N4BP1: variants seen among roughly 807,000 people sequenced by gnomAD.
The protein encoded by N4BP1 is NEDD4-binding protein 1.
In N4BP1, 21 loss-of-function variants were observed where a neutral mutation model predicts 70.9. The ratio of observed to expected loss-of-function variants is 0.30; its 90% CI spans 0.21 to 0.43. The LOEUF (loss-of-function observed/expected upper bound fraction) is 0.43. Among genes scored for constraint, N4BP1 ranks in the 20% least tolerant of loss-of-function variants. The probability of loss-of-function intolerance (pLI) is 1.00; values close to 1 mark genes in which losing one functional copy is unlikely to be tolerated. For synonymous variants in N4BP1, 387 were observed against 394.6 expected (o/e 0.98, Z 0.23); for missense variants, 936 against 1,069.4 (o/e 0.88, Z 1.74).
chr16:48,541,030 A>C lies in N4BP1; in HGVS notation c.*1874T>G, dbSNP rs1228067130. 6.6e-6 allele frequency: 1 copy of C among 152,208 alleles called. No homozygotes were observed. Among genetic ancestry groups the C allele is most frequent in the Non-Finnish European group, 1.5e-5 (1 of 68,062 alleles). 9.4% of individuals were successfully genotyped at this position (152,208 alleles called of 1,614,324 possible). On this transcript the variant is annotated 3_prime_UTR_variant, in exon 7 of 7. Transcript: ENST00000262384. ...GAACACGAAGACTTACAGAACTCAA[A>C]CATCAAAGGTCAAGTAGCTTCTAGC...
rs79102905 is a variant in N4BP1, at chr16:48,539,515, C to T, written c.*3389G>A. On this transcript the variant is annotated 3_prime_UTR_variant, in exon 7 of 7. Coordinates refer to ENST00000262384, the MANE Select transcript of N4BP1 (RefSeq NM_153029.4). ...GCCAGTCACTACAGAGAGGGGACAG[C>T]GAGGAGAGGGACGGTGTGGCCCTAA... 0.023 allele frequency: 3,494 copies of T among 152,526 alleles called. 60 individuals are homozygous for T. Among genetic ancestry groups the T allele is most frequent in the Middle Eastern group, 0.05 (15 of 300 alleles). 9.4% of individuals were successfully genotyped at this position (152,526 alleles called of 1,614,324 possible).
At chr16:48,583,195 G>A (rs1195152607) in intron 1 of N4BP1, among the ~76,000 whole-genome samples, 3 of 151,822 alleles carry the variant, frequency 2.0e-5, no homozygotes. Context: ...ACCAAAATAT[G>A]GTAAATATAA....
At chr16:48,563,892 TTC>T (rs1963898687) in intron 1 of N4BP1, among the ~76,000 whole-genome samples, 1 of 152,206 alleles carries the variant, frequency 6.6e-6, no homozygotes, top group Admixed American at 6.5e-5. Flanking sequence ...CATTTAGCAT[TTC>T]TCTGTGTTGG....
intron 5 of N4BP1, among the ~76,000 whole-genome samples, chr16:48,546,741 CA>C (rs1963596805): frequency 6.6e-6 from 1 of 152,158 alleles, no homozygotes; most frequent in Non-Finnish European, 1.5e-5. Flanking sequence ...TTTATCATAT[CA>C]GGGGAAAACA....
chr16:48,564,434 C>T (rs1963909415), intron 1 of N4BP1, among the ~76,000 whole-genome samples: 1 of 152,144 alleles, frequency 6.6e-6, no homozygotes, highest in South Asian at 2.1e-4. Context: ...GCTATTCTTT[C>T]ACTACTGAAT....
intron 2 of N4BP1, among the ~76,000 whole-genome samples, chr16:48,557,958 T>G (rs925911524): frequency 1.3e-5 from 2 of 152,098 alleles, no homozygotes; most frequent in African/African-American, 4.8e-5. Context: ...AAGGGCTGAT[T>G]TTTTTCCAAC....
At chr16:48,601,897 A>G (rs547068332) in intron 1 of N4BP1, among the ~76,000 whole-genome samples, 10 of 152,264 alleles carry the variant, frequency 6.6e-5, no homozygotes, top group African/African-American at 2.4e-4. Context: ...TCTTTAAGCC[A>G]AAAAAACTCC....
At chr16:48,552,953 C>T (rs1963697416) in intron 3 of N4BP1, among the ~76,000 whole-genome samples, 1 of 152,082 alleles carries the variant, frequency 6.6e-6, no homozygotes, top group Non-Finnish European at 1.5e-5. Flanking sequence ...TCCTTCCCCA[C>T]AATCTACTTT....
In N4BP1 at chr16:48,561,560, T is replaced by C; in HGVS notation, c.1083A>G (p.Gln361=). Residue 361 remains glutamine, a synonymous_variant, in exon 2 of 7, where the codon CAA becomes CAG. Coordinates refer to ENST00000262384, the MANE Select transcript of N4BP1 (RefSeq NM_153029.4). ...CCTTAATGACCTTTTCAACAATTTC[T>C]TGGGAGTAGCCCATGGTTTTAAAAA... The part of the protein sequence containing the change: ...VNFFKTMGYS[Q]EIVEKVIKVY... 6.2e-7 allele frequency: 1 copy of C among 1,613,962 alleles called. No homozygotes were observed. The highest frequency in any genetic ancestry group is 8.5e-7 in the Non-Finnish European group (1 of 1,179,888).
intron 1 of N4BP1, among the ~76,000 whole-genome samples, chr16:48,597,427 C>T (rs1338683939): frequency 1.3e-5 from 2 of 152,074 alleles, no homozygotes; most frequent in Non-Finnish European, 2.9e-5. Context: ...TCCTTGTAAC[C>T]GAAAGTCATG....
At chr16:48,604,443 C>T (rs1325913842) in intron 1 of N4BP1, among the ~76,000 whole-genome samples, 1 of 152,008 alleles carries the variant, frequency 6.6e-6, no homozygotes, top group East Asian at 1.9e-4. Flanking sequence ...GTCCCAGCTA[C>T]TCAGGAGGCC....
chr16:48,571,030 G>A (rs559245289), intron 1 of N4BP1, among the ~76,000 whole-genome samples: 53 of 152,214 alleles, frequency 3.5e-4, no homozygotes, highest in Admixed American at 2.9e-3. Context: ...GGTTTCAAGG[G>A]ATCCTTCTGC....
At chr16:48,602,561 T>C (rs948120910) in intron 1 of N4BP1, among the ~76,000 whole-genome samples, 2 of 152,082 alleles carry the variant, frequency 1.3e-5, no homozygotes, top group African/African-American at 2.4e-5. Flanking sequence ...AAGAAGAGAC[T>C]GAACAAACCA....
intron 6 of N4BP1, among the ~76,000 whole-genome samples, chr16:48,545,220 C>T (rs1963571806): frequency 6.6e-6 from 1 of 151,816 alleles, no homozygotes; most frequent in African/African-American, 2.4e-5. Flanking sequence ...CTGCCTCGGC[C>T]TCACAAAGTG....
rs759991200 is a variant in N4BP1, at chr16:48,548,020, T to C, written c.2212A>G (p.Ile738Val). 1.7e-5 allele frequency: 27 copies of C among 1,582,714 alleles called. No homozygotes were observed. The highest frequency in any genetic ancestry group is 6.8e-5 in the Admixed American group (4 of 58,534). ...AGAAAATATTACCTTTTTGTAATAA[T>C]TTCTCTCCAAGAGACTGACTCATTC... ...FVNESVSWREIITKRLLQYTF... is the reference protein window; with the variant it reads ...FVNESVSWREVITKRLLQYTF... Residue 738 changes from isoleucine (I) to valine (V), a missense_variant, in exon 5 of 7, where the codon ATT becomes GTT. Physicochemically the swap from Ile to Val is conservative, Grantham distance 29. Transcript: ENST00000262384.
At chr16:48,601,521 CAGAAGACTGGTAGGT>C (rs1964498491) in intron 1 of N4BP1, among the ~76,000 whole-genome samples, 1 of 151,900 alleles carries the variant, frequency 6.6e-6, no homozygotes, top group South Asian at 2.1e-4. Flanking sequence ...ATAAAGATCC[CAGAAGACTGGTAGGT>C]AGGTAATTTC....
intron 1 of N4BP1, among the ~76,000 whole-genome samples, chr16:48,589,012 A>T (rs1215208841): frequency 6.6e-6 from 1 of 152,142 alleles, no homozygotes; most frequent in Non-Finnish European, 1.5e-5. Context: ...TTTGCTTGAC[A>T]TATTTACATT....
In N4BP1 at chr16:48,609,756, GGGC is replaced by G. The variant is rs1412644794; in HGVS notation, c.198+16_198+18del. On this transcript the variant is annotated intron_variant, in intron 1 of 6. Transcript: ENST00000262384. ...ACCGATCGAGGCCGCGGGCGCGCGG[GGGC>G]GGCGGCCGGACTCACCTTGGCGCTG... 53 of 1,332,844 alleles carry G rather than the reference GGGC, an allele frequency of 4.0e-5. No individual in the cohort carries two copies. Among genetic ancestry groups the G allele is most frequent in the Non-Finnish European group, 5.0e-5 (52 of 1,044,192 alleles). The allele number at this position is 1,332,844 out of a possible 1,614,324, so 82.6% of individuals were successfully genotyped here.
chr16:48,550,445 G>A (rs1359951771), intron 4 of N4BP1, among the ~76,000 whole-genome samples: 1 of 152,028 alleles, frequency 6.6e-6, no homozygotes, highest in Non-Finnish European at 1.5e-5. Context: ...AACCTGAGAG[G>A]CGGAGGTTGC....
Sources: allele counts gnomAD v4.1 joint callset (sites outside exome capture counted in the v4.1 genomes callset), GRCh38; gene constraint gnomAD v4.1.1; transcripts MANE v1.5; gene names NCBI Gene and HGNC (gene_info 2026-07-23, HGNC 2026-07-21).